MTFR1: variants seen among roughly 807,000 people sequenced by gnomAD.
The protein encoded by MTFR1 is chondrocyte protein with a poly-proline region.
MTFR1 carries 28 observed loss-of-function variants against 38.8 expected under a neutral mutation model. The observed-to-expected ratio is 0.72, with a 90% CI of 0.53 to 0.99. The LOEUF (loss-of-function observed/expected upper bound fraction) is 0.99, where lower values mean the gene tolerates loss of function less well. Ranked by LOEUF, MTFR1 falls within the 50% of genes least tolerant of loss-of-function variation. The pLI, the probability that MTFR1 is intolerant of heterozygous loss-of-function variation, is 0.00. For synonymous variants in MTFR1, 145 were observed against 137.0 expected (o/e 1.06, Z -0.41); for missense variants, 358 against 395.5 (o/e 0.91, Z 0.81).
intron 3 of MTFR1, among the ~76,000 whole-genome samples, chr8:65,747,444 C>T (rs1390950697): frequency 6.6e-6 from 1 of 152,094 alleles, no homozygotes; most frequent in Non-Finnish European, 1.5e-5. Context: ...AACATTGTCA[C>T]TACTTTAGTT....
At chr8:65,670,560 A>G (rs1199251324) in intron 2 of MTFR1, among the ~76,000 whole-genome samples, 1 of 152,208 alleles carries the variant, frequency 6.6e-6, no homozygotes. Context: ...AGACCTATAA[A>G]TTATTAGAGC....
intron 3 of MTFR1, among the ~76,000 whole-genome samples, chr8:65,686,649 G>A (rs1032322940): frequency 1.6e-4 from 23 of 147,338 alleles, no homozygotes; most frequent in African/African-American, 5.3e-4. Flanking sequence ...GGCTGGGCAC[G>A]GGGTGGCTCA....
downstream of MTFR1, among the ~76,000 whole-genome samples, chr8:65,773,509 C>G (rs1809170577): frequency 6.6e-6 from 1 of 152,188 alleles, no homozygotes; most frequent in African/African-American, 2.4e-5. Flanking sequence ...ATCACTGGAT[C>G]AGGATATAAG....
intron 3 of MTFR1, among the ~76,000 whole-genome samples, chr8:65,692,188 A>T (rs1291890561): frequency 1.3e-5 from 2 of 152,164 alleles, no homozygotes; most frequent in Non-Finnish European, 2.9e-5. Context: ...AACCTCACTC[A>T]TACTTTTAGT....
At chr8:65,773,078 ACAAT>A (rs1207605808), downstream of MTFR1, among the ~76,000 whole-genome samples, 10 of 152,212 alleles carry the variant, frequency 6.6e-5, no homozygotes, top group Admixed American at 6.5e-4. Context: ...AATGTTTAGG[ACAAT>A]CAGAGGAGTC....
At chr8:65,646,859 C>G (rs984360154) in intron 1 of MTFR1, among the ~76,000 whole-genome samples, 1 of 152,164 alleles carries the variant, frequency 6.6e-6, no homozygotes, top group Non-Finnish European at 1.5e-5. Flanking sequence ...TCTTAAACTA[C>G]TAAGACAACA....
downstream of MTFR1, among the ~76,000 whole-genome samples, chr8:65,774,708 A>C (rs1348347142): frequency 1.3e-5 from 2 of 151,922 alleles, no homozygotes; most frequent in East Asian, 3.9e-4. Context: ...ATATTGTTTA[A>C]ATTTATTTAA....
chr8:65,756,455 C>T (rs1163298263), intron 3 of MTFR1, among the ~76,000 whole-genome samples: 1 of 151,996 alleles, frequency 6.6e-6, no homozygotes, highest in Non-Finnish European at 1.5e-5. Context: ...TCTTTCTACT[C>T]CTCAGAATGG....
At position 65,704,785 on chromosome 8, in the gene MTFR1, CAAG is replaced by C. The variant is rs1230695763; in HGVS notation, c.378_380del (p.Glu127del). The stretch of plus-strand genomic sequence containing the variant: ...ACAGATTTCCTTACCAGACTTGTCT[CAAG>C]AAGAGCCTCAGCTGAAGACCCCAGC... On this transcript the variant is annotated inframe_deletion, in exon 5 of 8. Transcript: ENST00000262146. 1 of 1,613,970 alleles carries C rather than the reference CAAG, an allele frequency of 6.2e-7. No homozygotes were observed. The highest frequency in any genetic ancestry group is 1.3e-5 in the African/African-American group (1 of 74,892).
intron 2 of MTFR1, chr8:65,679,609 A>G (rs1804817209): frequency 6.6e-6 from 1 of 152,362 alleles, no homozygotes; most frequent in South Asian, 2.1e-4. Flanking sequence ...TGGGCGAAAG[A>G]GTGAAACTCC....
intron 4 of MTFR1, among the ~76,000 whole-genome samples, chr8:65,699,490 G>C (rs549739304): frequency 2.0e-5 from 3 of 152,178 alleles, no homozygotes; most frequent in African/African-American, 7.2e-5. Flanking sequence ...CTTTGCAACC[G>C]CACCAGCATC....
intron 3 of MTFR1, among the ~76,000 whole-genome samples, chr8:65,762,991 A>ATGTGTGTG (rs34371328): frequency 3.5e-4 from 48 of 138,614 alleles, no homozygotes; most frequent in Middle Eastern, 3.5e-3. Flanking sequence ...TATAAAAACA[A>ATGTGTGTG]TGTGTGTGTG....
chr8:65,677,363 C>T (rs1804740968), intron 2 of MTFR1, among the ~76,000 whole-genome samples: 1 of 150,354 alleles, frequency 6.7e-6, no homozygotes, highest in South Asian at 2.1e-4. Flanking sequence ...AACCACTGCG[C>T]CTGGCCCTGT....
chr8:65,684,059 G>A (rs17395394), intron 3 of MTFR1, among the ~76,000 whole-genome samples: 6,349 of 152,154 alleles, frequency 0.042, 194 homozygotes, highest in Non-Finnish European at 0.063. Context: ...GTGCTTCAGC[G>A]TTTGCATTCA....
the MTFR1 span, among the ~76,000 whole-genome samples, chr8:65,777,451 A>T: frequency 6.6e-6 from 1 of 152,186 alleles, no homozygotes; most frequent in Non-Finnish European, 1.5e-5. Context: ...TCCTGGAAAA[A>T]TACTAATTAG....
chr8:65,666,035 T>G (rs1440795252), intron 1 of MTFR1, among the ~76,000 whole-genome samples: 1 of 152,226 alleles, frequency 6.6e-6, no homozygotes, highest in African/African-American at 2.4e-5. Context: ...GCCTTCATAC[T>G]TCAATATTTT....
chr8:65,654,806 G>C (rs868734157), intron 1 of MTFR1, among the ~76,000 whole-genome samples: 8 of 152,184 alleles, frequency 5.3e-5, no homozygotes. Context: ...TTGAACTACT[G>C]GCTCAAATAG....
chr8:65,691,825 T>C (rs1462687101), intron 3 of MTFR1, among the ~76,000 whole-genome samples: 1 of 152,204 alleles, frequency 6.6e-6, no homozygotes, highest in African/African-American at 2.4e-5. Context: ...CTTAAAATGT[T>C]ATTTTTAATG....
intron 3 of MTFR1, chr8:65,727,031 C>A (rs867306955): frequency 3.9e-6 from 4 of 1,016,030 alleles, no homozygotes; most frequent in Middle Eastern, 2.1e-4. Flanking sequence ...TCATTACTAA[C>A]AATACTGTTA....
Sources: allele counts gnomAD v4.1 joint callset (sites outside exome capture counted in the v4.1 genomes callset), GRCh38; gene constraint gnomAD v4.1.1; transcripts MANE v1.5; gene names NCBI Gene and HGNC (gene_info 2026-07-23, HGNC 2026-07-21).